The following NGDN variants were observed in gnomAD, a reference collection of about 807,000 sequenced individuals.
The protein encoded by NGDN is neuroguidin.
A neutral mutation model predicts 45.2 loss-of-function variants in NGDN; 41 were observed. The ratio of observed to expected loss-of-function variants is 0.91; its 90% CI spans 0.71 to 1.18. The LOEUF is 1.18. Ranked by LOEUF, NGDN falls within the 50% of genes most tolerant of loss-of-function variation. The pLI, the probability that NGDN is intolerant of heterozygous loss-of-function variation, is 0.00. For synonymous variants in NGDN, 137 were observed against 130.9 expected (o/e 1.05, Z -0.32); for missense variants, 402 against 399.9 (o/e 1.01, Z -0.05).
chr14:23,475,728 G>T lies in NGDN; in HGVS notation c.370G>T (p.Glu124Ter). 1 of 1,613,896 alleles carries T rather than the reference G, an allele frequency of 6.2e-7. No individual in the cohort carries two copies. The highest frequency in any genetic ancestry group is 8.5e-7 in the Non-Finnish European group (1 of 1,179,990). ...ATTCATTGGGTTATTTATTTCAGGT[G>T]AGAATGACCCACTTCGTTTTAAGCC... ...IKTAVTGSLS[E>*]NDPLRFKPHP... Residue 124 changes from glutamate (E) to a stop codon, truncating the protein, a stop_gained and splice_region_variant, in exon 6 of 11, where the codon GAG becomes TAG. Coordinates refer to ENST00000408901, the MANE Select transcript of NGDN (RefSeq NM_001042635.2). LOFTEE classifies it high-confidence loss of function.
Position 23,470,975 on chromosome 14 carries a change from A to C in NGDN, c.142A>C (p.Lys48Gln). The change falls in exon 3 of 11, where the codon AAG becomes CAG. Residue 48 changes from lysine (K) to glutamine (Q), a missense_variant and splice_region_variant. By Grantham distance (53) the Lys-to-Gln change is moderately conservative. Transcript: ENST00000408901. ...TCAAGCTGGTGCCTATCCTACAGAA[A>C]AGGTAAGATGTACTCAAACAGTAAG... ...KVQAGAYPTEKGLSFLEVKDQ... is the reference protein window; with the variant it reads ...KVQAGAYPTEQGLSFLEVKDQ... 6.5e-7 allele frequency: 1 copy of C among 1,542,992 alleles called. No individual in the cohort carries two copies. The highest frequency in any genetic ancestry group is 8.7e-7 in the Non-Finnish European group (1 of 1,150,380).
At position 23,477,185 on chromosome 14, in the gene NGDN, G is replaced by A. The variant is rs748374900; in HGVS notation, c.714-15G>A. On this transcript the variant is annotated splice_polypyrimidine_tract_variant and intron_variant, in intron 8 of 10. Transcript: ENST00000408901. ...CCATGGTCTGAGCCTGCTGGAAACT[G>A]TCTTTCTCTGGCAGGATTAACTATG... The A allele has an allele frequency of 4.3e-6, 7 of 1,613,636 alleles. No homozygotes were observed. Among genetic ancestry groups the A allele is most frequent in the African/African-American group, 1.3e-5 (1 of 75,026 alleles).
chr14:23,477,416 TG>T, intron 9 of NGDN, 60 bp downstream of exon 9: 1 of 1,612,040 alleles, frequency 6.2e-7, no homozygotes, highest in Non-Finnish European at 8.5e-7. Context: ...AAAATGTATG[TG>T]GGGCTTATTA....
chr14:23,469,744 T>G lies in NGDN; in HGVS notation c.12+17T>G. On this transcript the variant is annotated intron_variant, in intron 1 of 10. Transcript: ENST00000408901. ...GCGGCGCTGGTGAGTTTGGTGTGGT[T>G]TCTTCCTCGCGTAGCTATTGTGGAG... is the stretch of plus-strand genomic sequence containing the variant. 1 of 1,614,144 alleles carries G rather than the reference T, an allele frequency of 6.2e-7. No homozygotes were observed. Among genetic ancestry groups the G allele is most frequent in the Middle Eastern group, 1.6e-4 (1 of 6,062 alleles).
intron 3 of NGDN, among the ~76,000 whole-genome samples, chr14:23,474,821 T>C (rs1406646966): frequency 6.6e-6 from 1 of 152,212 alleles, no homozygotes; most frequent in Non-Finnish European, 1.5e-5. Flanking sequence ...AGGATGCTGC[T>C]GGAAACCTAC....
At chr14:23,471,053 C>A in intron 3 of NGDN, 76 bp downstream of exon 3, 1 of 978,108 alleles carries the variant, frequency 1.0e-6, no homozygotes, top group Non-Finnish European at 1.5e-6. Context: ...TTTATTGTGT[C>A]TTATATATCC....
chr14:23,475,507 G>A, intron 4 of NGDN, 51 bp from the exon 5 acceptor site: 1 of 1,566,926 alleles, frequency 6.4e-7, no homozygotes, highest in Non-Finnish European at 8.8e-7. Context: ...ACTCTGGTGT[G>A]TGCTTCATTT....
chr14:23,478,320 C>T (rs1893951931), downstream of NGDN: 1 of 354,038 alleles, frequency 2.8e-6, no homozygotes, highest in Non-Finnish European at 5.1e-6. Flanking sequence ...TTCCCAAAAA[C>T]TAAAAATTGG....
At position 23,478,154 on chromosome 14, in the gene NGDN, A is replaced by C; in HGVS notation, c.*128A>C. 1 of 932,194 alleles carries C rather than the reference A, an allele frequency of 1.1e-6. No individual in the cohort carries two copies. Among genetic ancestry groups the C allele is most frequent in the Non-Finnish European group, 1.7e-6 (1 of 603,530 alleles). The allele number at this position is 932,194 out of a possible 1,614,324, so 57.7% of individuals were successfully genotyped here. A position where few individuals can be genotyped will look rare whatever the true frequency, so the allele number is the denominator to read the frequency against. Reference sequence around the variant, plus strand: ...ACATGTGGAAAGAGCCTTACTAATAAAATTGATTTTGCTTATGAATTAAAG... The same window carrying C: ...ACATGTGGAAAGAGCCTTACTAATACAATTGATTTTGCTTATGAATTAAAG... On this transcript the variant is annotated 3_prime_UTR_variant, in exon 11 of 11. Coordinates refer to ENST00000408901, the MANE Select transcript of NGDN (RefSeq NM_001042635.2).
At position 23,475,613 on chromosome 14, in the gene NGDN, T is replaced by C; in HGVS notation, c.338T>C (p.Leu113Pro). 5 of 1,614,236 alleles carry C rather than the reference T, an allele frequency of 3.1e-6. No individual in the cohort carries two copies. Among genetic ancestry groups the C allele is most frequent in the Non-Finnish European group, 4.2e-6 (5 of 1,180,036 alleles). ...AAGCTGAAGTATCAAATTGACAAGCTGATCAAGACTGCAGTGACAGGCAGC... is the reference window on the plus strand; with the variant it reads ...AAGCTGAAGTATCAAATTGACAAGCCGATCAAGACTGCAGTGACAGGCAGC... The part of the protein sequence containing the change: ...DQKLKYQIDK[L>P]IKTAVTGSLS... The change falls in exon 5 of 11, where the codon CTG becomes CCG. Residue 113 changes from leucine (L) to proline (P), a missense_variant. Transcript: ENST00000408901.
rs776952812 is a variant in NGDN at position 23,470,909 on chromosome 14, A to G, written c.76A>G (p.Met26Val). ...TLLKNLQEQV[M>V]AVTAQVKSLT... ...GTTTTATTTGGGCTAATTTCAGGTG[A>G]TGGCTGTAACTGCACAAGTGAAATC... is the stretch of plus-strand genomic sequence containing the variant. The change falls in exon 3 of 11, where the codon ATG (methionine) becomes GTG (valine). Residue 26 changes from methionine (M) to valine (V), a missense_variant. Physicochemically the swap from Met to Val is conservative, Grantham distance 21. Coordinates refer to ENST00000408901, the MANE Select transcript of NGDN (RefSeq NM_001042635.2). 3 of 1,566,506 alleles carry G rather than the reference A, an allele frequency of 1.9e-6. No homozygotes were observed. Among genetic ancestry groups the G allele is most frequent in the Non-Finnish European group, 1.7e-6 (2 of 1,161,660 alleles).
In NGDN at chr14:23,471,807, C is replaced by T. The variant is rs1469596462; in HGVS notation, c.144+830C>T. 6.0e-4 allele frequency among the ~76,000 whole-genome samples: 26 copies of T among 43,660 alleles called. No homozygotes were observed. The East Asian group carries it at 0.01, about 17-fold the overall frequency. The allele number at this position is 43,660 out of a possible 152,430, so 28.6% of individuals were successfully genotyped here. On this transcript the variant is annotated intron_variant, in intron 3 of 10. Coordinates refer to ENST00000408901, the MANE Select transcript of NGDN (RefSeq NM_001042635.2). Reference sequence around the variant, plus strand: ...CCTGGGTGACAGAGCAAGACCCTGTCTCAAAAAAAAAAAAAAAATTGCTTA... The same window carrying T: ...CCTGGGTGACAGAGCAAGACCCTGTTTCAAAAAAAAAAAAAAAATTGCTTA...
intron 3 of NGDN, chr14:23,471,192 C>T (rs1893770042): frequency 7.7e-6 from 3 of 387,752 alleles, no homozygotes; most frequent in Non-Finnish European, 1.4e-5. Context: ...AGTCTCCAGC[C>T]AAAGAGAGGG....
At chr14:23,474,463 CTAAAG>C (rs1279871591) in intron 3 of NGDN, among the ~76,000 whole-genome samples, 1 of 152,204 alleles carries the variant, frequency 6.6e-6, no homozygotes, top group African/African-American at 2.4e-5. Context: ...TTTTCACACT[CTAAAG>C]TACACCATTT....
At chr14:23,477,430 A>C in intron 9 of NGDN, 73 bp from the exon 10 acceptor site, 1 of 1,612,558 alleles carries the variant, frequency 6.2e-7, no homozygotes, top group Non-Finnish European at 8.5e-7. Flanking sequence ...GCTTATTACC[A>C]TGAGGAACTT....
chr14:23,475,509 G>A (rs774506795), intron 4 of NGDN, 49 bp from the exon 5 acceptor site: 11 of 1,574,722 alleles, frequency 7.0e-6, no homozygotes, highest in Non-Finnish European at 8.7e-6. Context: ...TCTGGTGTGT[G>A]CTTCATTTTG....
At chr14:23,474,602 A>G (rs1893855166) in intron 3 of NGDN, among the ~76,000 whole-genome samples, 1 of 152,090 alleles carries the variant, frequency 6.6e-6, no homozygotes, top group Non-Finnish European at 1.5e-5. Flanking sequence ...TTCACAATTG[A>G]AGTCATATTA....
chr14:23,472,607 A>G (rs1344122652), intron 3 of NGDN, among the ~76,000 whole-genome samples: 3 of 152,228 alleles, frequency 2.0e-5, no homozygotes, highest in Non-Finnish European at 2.9e-5. Flanking sequence ...ACAACTCTGG[A>G]TCTCTCATCC....
chr14:23,478,418 A>G (rs561874762), downstream of NGDN: 2 of 190,060 alleles, frequency 1.1e-5, no homozygotes, highest in Non-Finnish European at 1.1e-5. Flanking sequence ...GATTTGTTAT[A>G]ATACAATACA....
Sources: allele counts gnomAD v4.1 joint callset (sites outside exome capture counted in the v4.1 genomes callset), GRCh38; gene constraint gnomAD v4.1.1; transcripts MANE v1.5; gene names NCBI Gene and HGNC (gene_info 2026-07-23, HGNC 2026-07-21).